PAK3: variants seen among roughly 807,000 people sequenced by gnomAD.
PAK3 encodes serine/threonine-protein kinase PAK 3.
A neutral mutation model predicts 41.0 loss-of-function variants in PAK3; 4 were observed. The ratio of observed to expected loss-of-function variants is 0.10; its 90% CI spans 0.05 to 0.22. The LOEUF is 0.22. PAK3 is among the 10% of genes least tolerant of loss of function. The pLI is 1.00. For synonymous variants in PAK3, 146 were observed against 139.6 expected (o/e 1.05, Z -0.32); for missense variants, 205 against 409.9 (o/e 0.50, Z 4.32).
upstream of PAK3, among the ~76,000 whole-genome samples, chrX:111,091,719 TG>T (rs2148857831): frequency 9.0e-6 from 1 of 111,708 alleles, no homozygotes; most frequent in South Asian, 3.8e-4. Flanking sequence ...ATGATGGGCA[TG>T]GGGAGGCAGG....
In PAK3 at chrX:111,086,061, T is replaced by TTC. The variant is rs2092879125; in HGVS notation, c.-27-37015_-27-37014insCT. On this transcript the variant is annotated intron_variant, in intron 1 of 14. Transcript: ENST00000425146. ...GTAGAGAGAAGACTGTGATGTCAGC[T>TTC]TGTGTGTGTGTGTGTGTGTGTGTGT... Among the ~76,000 whole-genome samples, 3 of 81,759 alleles carry TTC rather than the reference T, an allele frequency of 3.7e-5. No homozygotes were observed. In the South Asian group the frequency reaches 2.3e-3, roughly 64 times the overall value. 71.0% of individuals were successfully genotyped at this position (81,759 alleles called of 115,157 possible). A position where few individuals can be genotyped will look rare whatever the true frequency, so the allele number is the denominator to read the frequency against.
intron 5 of PAK3, among the ~76,000 whole-genome samples, chrX:111,125,795 G>C (rs2093640073): frequency 9.0e-6 from 1 of 111,433 alleles, no homozygotes; most frequent in Non-Finnish European, 1.9e-5. Context: ...CTTTCTAAAA[G>C]ACTATATTGG....
Position 111,132,752 on chromosome X carries a change from A to G in PAK3, c.176-9344A>G, listed in dbSNP as rs2093736894. Among the ~76,000 whole-genome samples the G allele has an allele frequency of 1.8e-5, 2 of 111,528 alleles. 1 individual carries two copies. The highest frequency in any genetic ancestry group is 1.9e-4 in the Admixed American group (2 of 10,512). ...TAACAGAATCTGGAGCATGTTTTTA[A>G]CTGCTTATATACCACTCAGAAAAGA... On this transcript the variant is annotated intron_variant, in intron 5 of 17. Transcript: ENST00000372007.
intron 8 of PAK3, among the ~76,000 whole-genome samples, chrX:111,160,128 T>G (rs1431583246): frequency 9.0e-6 from 1 of 111,482 alleles, no homozygotes; most frequent in Non-Finnish European, 1.9e-5. Flanking sequence ...GTATACCCAG[T>G]GGCATAAACA....
intron 1 of PAK3, among the ~76,000 whole-genome samples, chrX:111,076,129 G>A (rs1217001051): frequency 2.7e-5 from 3 of 111,732 alleles, no homozygotes; most frequent in African/African-American, 6.5e-5. Flanking sequence ...TTGGAGTTGG[G>A]ACTTTTGAAT....
chrX:111,157,617 C>T lies in PAK3; in HGVS notation c.468+5170C>T, dbSNP rs142032326. Among the ~76,000 whole-genome samples, 733 of 109,864 alleles carry T rather than the reference C, an allele frequency of 6.7e-3. 3 individuals carry two copies. Among genetic ancestry groups the T allele is most frequent in the African/African-American group, 0.023 (698 of 30,169 alleles). On this transcript the variant is annotated intron_variant, in intron 8 of 17. Coordinates refer to ENST00000372007, the MANE Select transcript of PAK3 (RefSeq NM_002578.5). ...ACCAGCCTGACCAACGTGGAGAAAC[C>T]CCATCTCTACTAATACAAAATTAGC...
chrX:110,988,042 G>C (rs896934433), intron 1 of PAK3, among the ~76,000 whole-genome samples: 2 of 112,769 alleles, frequency 1.8e-5, no homozygotes, highest in Non-Finnish European at 3.7e-5. Context: ...GTATGCATTT[G>C]ATAATAATTC....
At chrX:110,971,604 A>G (rs1328270732) in intron 1 of PAK3, among the ~76,000 whole-genome samples, 3 of 111,611 alleles carry the variant, frequency 2.7e-5, no homozygotes, top group African/African-American at 9.8e-5. Flanking sequence ...TGATTTTCAA[A>G]TATTTTCTCC....
At chrX:111,152,668 A>G (rs2094046341) in intron 8 of PAK3, 1 of 322,511 alleles carries the variant, frequency 3.1e-6, no homozygotes, top group African/African-American at 2.7e-5. Context: ...GTTTTAGAAC[A>G]AGTCCATCAC....
At chrX:111,082,183 C>T (rs186635709) in intron 1 of PAK3, among the ~76,000 whole-genome samples, 2 of 111,785 alleles carry the variant, frequency 1.8e-5, no homozygotes, top group Admixed American at 9.5e-5. Context: ...GTTTGTTGAT[C>T]GAATTTGTTG....
At chrX:111,043,545 C>G (rs760796311) in intron 1 of PAK3, among the ~76,000 whole-genome samples, 2 of 111,533 alleles carry the variant, frequency 1.8e-5, no homozygotes, top group Non-Finnish European at 3.8e-5. Flanking sequence ...GTCTGGTTAT[C>G]TTCATGTGCT....
At chrX:111,153,754 A>T (rs1011723532) in intron 8 of PAK3, among the ~76,000 whole-genome samples, 2 of 111,732 alleles carry the variant, frequency 1.8e-5, no homozygotes, top group African/African-American at 6.5e-5. Context: ...CTCAAAAATT[A>T]AAAATGGTAT....
intron 11 of PAK3, among the ~76,000 whole-genome samples, chrX:111,189,830 A>G (rs962272116): frequency 1.8e-5 from 2 of 112,055 alleles, no homozygotes; most frequent in Non-Finnish European, 3.8e-5. Context: ...TTGAACTCAA[A>G]TAAGTTCAGA....
rs931874524 is a variant in PAK3 at position 111,224,835 on chromosome X, G to A, written c.*4388G>A. On this transcript the variant is annotated 3_prime_UTR_variant, in exon 18 of 18. Transcript: ENST00000372007. ...AAAAGCAGACCCTATACCTAGAGAA[G>A]TCACTGGCTTTTTATTGGTCATTCT... The A allele has an allele frequency of 8.9e-6, 1 of 112,464 alleles. No homozygotes were observed. Among genetic ancestry groups the A allele is most frequent in the Non-Finnish European group, 1.9e-5 (1 of 53,321 alleles). The allele number at this position is 112,464 out of a possible 1,213,427, so 9.3% of individuals were successfully genotyped here. A position where few individuals can be genotyped will look rare whatever the true frequency, so the allele number is the denominator to read the frequency against.
intron 1 of PAK3, among the ~76,000 whole-genome samples, chrX:111,075,375 T>C (rs1177425518): frequency 3.6e-5 from 4 of 112,658 alleles, no homozygotes; most frequent in Non-Finnish European, 7.5e-5. Context: ...GGCTGCTTCT[T>C]GCATCCCTAC....
At chrX:111,058,357 T>G (rs997322274) in intron 1 of PAK3, among the ~76,000 whole-genome samples, 5 of 111,971 alleles carry the variant, frequency 4.5e-5, no homozygotes, top group African/African-American at 6.5e-5. Flanking sequence ...GTCTATTTTT[T>G]TGTGTGTGTT....
intron 1 of PAK3, among the ~76,000 whole-genome samples, chrX:110,956,980 G>A (rs774844744): frequency 1.7e-3 from 192 of 111,664 alleles, no homozygotes; most frequent in African/African-American, 6.2e-3. Flanking sequence ...CACTGTCTGT[G>A]TACTAATCTC....
chrX:110,976,381 A>G (rs2091330596), intron 1 of PAK3, among the ~76,000 whole-genome samples: 3 of 112,633 alleles, frequency 2.7e-5, no homozygotes, highest in Non-Finnish European at 1.9e-5. Flanking sequence ...ACTGGTCATC[A>G]GAGAAATGCA....
intron 5 of PAK3, among the ~76,000 whole-genome samples, chrX:111,138,045 A>G (rs2093816159): frequency 1.9e-5 from 2 of 108,096 alleles, no homozygotes; most frequent in African/African-American, 7.0e-5. Flanking sequence ...TAGAGCTCAA[A>G]TCTTTTTTTT....
Sources: gnomAD v4.1 joint callset for allele counts (sites outside exome capture counted in the v4.1 genomes callset) on GRCh38, gnomAD v4.1.1 for gene constraint, MANE v1.5 for transcripts, NCBI Gene and HGNC (gene_info 2026-07-23, HGNC 2026-07-21) for gene names.